GRIA4: variants seen among roughly 807,000 people sequenced by gnomAD.
The protein encoded by GRIA4 is glutamate receptor 4.
In GRIA4, 34 loss-of-function variants were observed where a neutral mutation model predicts 104.0. The ratio of observed to expected loss-of-function variants is 0.33; its 90% CI spans 0.25 to 0.44. GRIA4 has a LOEUF of 0.44. Among genes scored for constraint, GRIA4 ranks in the 20% least tolerant of loss-of-function variants. The pLI, the probability that GRIA4 is intolerant of heterozygous loss-of-function variation, is 1.00. For synonymous variants in GRIA4, 386 were observed against 381.9 expected (o/e 1.01, Z -0.13); for missense variants, 750 against 1,096.5 (o/e 0.68, Z 4.46).
intron 4 of GRIA4, among the ~76,000 whole-genome samples, chr11:105,754,448 C>T (rs528723975): frequency 2.6e-5 from 4 of 152,182 alleles, no homozygotes; most frequent in South Asian, 4.1e-4. Flanking sequence ...AGGGCCATGA[C>T]GATGATAGAG....
chr11:105,838,155 G>C lies in GRIA4; in HGVS notation c.488-23869G>C, dbSNP rs144063987. On this transcript the variant is annotated intron_variant, in intron 4 of 16. Coordinates refer to ENST00000282499, the MANE Select transcript of GRIA4 (RefSeq NM_000829.4). ...AGCATTATTTTCTAATAAAGATAAA[G>C]TCACCTAATCAAATAACTGTGCTTC... Among the ~76,000 whole-genome samples, 287 of 152,262 alleles carry C rather than the reference G, an allele frequency of 1.9e-3. 2 individuals are homozygous for C. The highest frequency in any genetic ancestry group is 6.6e-3 in the African/African-American group (273 of 41,560).
intron 16 of GRIA4, 33 bp from the exon 17 acceptor site, chr11:105,979,542 G>A (rs749744483): frequency 6.2e-5 from 99 of 1,599,708 alleles, no homozygotes; most frequent in Non-Finnish European, 7.7e-5. Flanking sequence ...GTAACACTCC[G>A]CGTTCTTTCT....
At chr11:105,649,647 A>T (rs1424906447) in intron 3 of GRIA4, among the ~76,000 whole-genome samples, 1 of 152,138 alleles carries the variant, frequency 6.6e-6, no homozygotes, top group Non-Finnish European at 1.5e-5. Flanking sequence ...AAAAGGATAA[A>T]AGTCAAACTT....
chr11:105,632,477 G>T (rs1054933056), intron 3 of GRIA4, among the ~76,000 whole-genome samples: 9 of 152,190 alleles, frequency 5.9e-5, no homozygotes, highest in South Asian at 2.1e-4. Context: ...CTGCAGCAAG[G>T]CCTGGATTCA....
chr11:105,615,958 T>G (rs889143778), intron 3 of GRIA4, among the ~76,000 whole-genome samples: 1 of 151,742 alleles, frequency 6.6e-6, no homozygotes, highest in Non-Finnish European at 1.5e-5. Context: ...AGAAATCCTG[T>G]AAAAGAATCA....
intron 3 of GRIA4, among the ~76,000 whole-genome samples, chr11:105,649,552 T>C (rs1951628198): frequency 6.6e-6 from 1 of 152,170 alleles, no homozygotes; most frequent in Non-Finnish European, 1.5e-5. Flanking sequence ...GGCCTATACA[T>C]ATAACCTTTC....
At chr11:105,957,475 C>T (rs1388788656) in intron 14 of GRIA4, among the ~76,000 whole-genome samples, 9 of 151,980 alleles carry the variant, frequency 5.9e-5, no homozygotes, top group African/African-American at 9.7e-5. Context: ...TCTATATCTC[C>T]GTTTTGGTAC....
intron 4 of GRIA4, among the ~76,000 whole-genome samples, chr11:105,835,154 A>G (rs1591324214): frequency 1.3e-5 from 2 of 152,026 alleles, no homozygotes; most frequent in Middle Eastern, 3.4e-3. Flanking sequence ...TAATGTTACT[A>G]TTAAATTTTA....
At chr11:105,867,110 G>A (rs115191662) in intron 5 of GRIA4, among the ~76,000 whole-genome samples, 58 of 152,018 alleles carry the variant, frequency 3.8e-4, no homozygotes, top group African/African-American at 1.3e-3. Context: ...TGTGAATCTC[G>A]GATTACTGAC....
intron 4 of GRIA4, among the ~76,000 whole-genome samples, chr11:105,811,476 T>C (rs1323164423): frequency 2.6e-5 from 4 of 152,124 alleles, no homozygotes; most frequent in East Asian, 1.9e-4. Context: ...GGTCCCATCC[T>C]GTCAGTGAAC....
intron 14 of GRIA4, among the ~76,000 whole-genome samples, chr11:105,953,531 A>T (rs1231997522): frequency 1.3e-5 from 2 of 152,220 alleles, no homozygotes; most frequent in Non-Finnish European, 2.9e-5. Context: ...TAACAGAATG[A>T]ATAGTCTATG....
At chr11:105,794,441 G>GTGTGTGTGTC (rs1942362437) in intron 4 of GRIA4, among the ~76,000 whole-genome samples, 1 of 122,162 alleles carries the variant, frequency 8.2e-6, no homozygotes, top group African/African-American at 3.2e-5. Context: ...GGGTGTGTGT[G>GTGTGTGTGTC]TGTGTGTGTG....
At chr11:105,917,614 A>G (rs1011112714) in intron 10 of GRIA4, among the ~76,000 whole-genome samples, 1 of 152,180 alleles carries the variant, frequency 6.6e-6, no homozygotes, top group Non-Finnish European at 1.5e-5. Context: ...TGAATACATT[A>G]TCTCAATAAT....
chr11:105,863,956 T>C (rs571364106), intron 5 of GRIA4, among the ~76,000 whole-genome samples: 1 of 152,322 alleles, frequency 6.6e-6, no homozygotes, highest in East Asian at 1.9e-4. Flanking sequence ...GGACATCTTA[T>C]ATATTTTTTG....
intron 3 of GRIA4, among the ~76,000 whole-genome samples, chr11:105,663,309 T>C (rs1565445670): frequency 1.3e-5 from 2 of 151,918 alleles, no homozygotes; most frequent in Non-Finnish European, 2.9e-5. Flanking sequence ...AACAACTAGT[T>C]CTCATTTTAG....
intron 6 of GRIA4, among the ~76,000 whole-genome samples, chr11:105,888,817 T>C (rs2136103874): frequency 6.6e-6 from 1 of 152,260 alleles, no homozygotes; most frequent in South Asian, 2.1e-4. Flanking sequence ...TTGTGTTTCT[T>C]AGATAAAGTA....
chr11:105,709,998 G>T (rs921460692), intron 3 of GRIA4, among the ~76,000 whole-genome samples: 4 of 152,084 alleles, frequency 2.6e-5, no homozygotes, highest in African/African-American at 7.2e-5. Flanking sequence ...AAGTTTTAGG[G>T]ATAATTATCC....
At chr11:105,718,692 G>A (rs1446864526) in intron 3 of GRIA4, among the ~76,000 whole-genome samples, 1 of 152,112 alleles carries the variant, frequency 6.6e-6, no homozygotes, top group African/African-American at 2.4e-5. Context: ...CCTAGTTAAG[G>A]AACACCTCCT....
chr11:105,641,843 G>A (rs910390696), intron 3 of GRIA4, among the ~76,000 whole-genome samples: 1 of 152,170 alleles, frequency 6.6e-6, no homozygotes, highest in Non-Finnish European at 1.5e-5. Context: ...AAGTACCACA[G>A]ACTGTGGCTT....
Sources: gnomAD v4.1 joint callset for allele counts (sites outside exome capture counted in the v4.1 genomes callset) on GRCh38, gnomAD v4.1.1 for gene constraint, MANE v1.5 for transcripts, NCBI Gene and HGNC (gene_info 2026-07-23, HGNC 2026-07-21) for gene names.